SGCG: variants seen among roughly 807,000 people sequenced by gnomAD.
SGCG encodes sarcoglycan gamma, also known as gamma-sarcoglycan.
SGCG carries 26 observed loss-of-function variants against 29.3 expected under a neutral mutation model. The observed-to-expected ratio is 0.89, with a 90% CI of 0.65 to 1.23. The LOEUF (loss-of-function observed/expected upper bound fraction) is 1.23. Among genes scored for constraint, SGCG ranks in the 50% most tolerant of loss-of-function variants. The pLI is 0.00. For synonymous variants in SGCG, 145 were observed against 129.7 expected (o/e 1.12, Z -0.80); for missense variants, 353 against 356.0 (o/e 0.99, Z 0.07).
At chr13:23,277,823 C>CGGA (rs1566027868) in intron 4 of SGCG, among the ~76,000 whole-genome samples, 1 of 151,694 alleles carries the variant, frequency 6.6e-6, no homozygotes, top group Admixed American at 6.6e-5. Context: ...CTCAGCCTCC[C>CGGA]GAGTAGTTGG....
intron 3 of SGCG, among the ~76,000 whole-genome samples, chr13:23,247,708 C>T (rs1013529174): frequency 4.7e-5 from 7 of 150,338 alleles, no homozygotes; most frequent in South Asian, 2.1e-4. Context: ...CACTTTGGGA[C>T]GCTGAGGCAG....
chr13:23,286,151 T>A (rs1447704136), intron 5 of SGCG, among the ~76,000 whole-genome samples: 2 of 152,174 alleles, frequency 1.3e-5, no homozygotes, highest in Non-Finnish European at 2.9e-5. Flanking sequence ...GCACATGACC[T>A]CAAATGAATA....
At chr13:23,179,119 T>C (rs1418848073), upstream of SGCG, among the ~76,000 whole-genome samples, 2 of 152,230 alleles carry the variant, frequency 1.3e-5, no homozygotes, top group Non-Finnish European at 2.9e-5. Context: ...CCTAAATGAC[T>C]GTTAGACTAG....
chr13:23,180,882 T>G (rs1876707971), upstream of SGCG: 1 of 152,192 alleles, frequency 6.6e-6, no homozygotes, highest in Non-Finnish European at 1.5e-5. Flanking sequence ...ATTAGACACG[T>G]CTGTTGCTAA....
At chr13:23,238,913 A>G (rs1475431980) in intron 3 of SGCG, among the ~76,000 whole-genome samples, 1 of 152,196 alleles carries the variant, frequency 6.6e-6, no homozygotes, top group Non-Finnish European at 1.5e-5. Context: ...AAAGAAAGCA[A>G]CAGCATATCA....
At chr13:23,223,074 C>A (rs4769244) in intron 2 of SGCG, among the ~76,000 whole-genome samples, 3 of 151,710 alleles carry the variant, frequency 2.0e-5, no homozygotes, top group Non-Finnish European at 4.4e-5. Flanking sequence ...GTCAGGAGAT[C>A]GAGACCATCC....
chr13:23,164,970 C>G, the SGCG span, among the ~76,000 whole-genome samples: 1 of 152,172 alleles, frequency 6.6e-6, no homozygotes, highest in South Asian at 2.1e-4. Context: ...TTCACCTACT[C>G]AGCCCTCTCC....
chr13:23,212,882 T>G (rs1878279758), intron 2 of SGCG, among the ~76,000 whole-genome samples: 1 of 152,196 alleles, frequency 6.6e-6, no homozygotes, highest in Non-Finnish European at 1.5e-5. Context: ...GAATACAGCA[T>G]GAGTAGCAGG....
At chr13:23,316,929 G>A (rs551166374) in intron 6 of SGCG, among the ~76,000 whole-genome samples, 108 of 152,218 alleles carry the variant, frequency 7.1e-4, no homozygotes, top group African/African-American at 2.3e-3. Flanking sequence ...TCATTTGGCC[G>A]GGCGCGGTGG....
chr13:23,253,402 A>G (rs529541101), intron 4 of SGCG, among the ~76,000 whole-genome samples: 1 of 152,304 alleles, frequency 6.6e-6, no homozygotes, highest in Admixed American at 6.5e-5. Flanking sequence ...TTATATTGAG[A>G]ACCTTGAGCT....
At chr13:23,311,151 G>A (rs1882584334) in intron 6 of SGCG, among the ~76,000 whole-genome samples, 2 of 152,164 alleles carry the variant, frequency 1.3e-5, no homozygotes, top group South Asian at 2.1e-4. Flanking sequence ...TATCTAGGCT[G>A]ACAATAATTT....
chr13:23,264,398 A>T (rs1880562529), intron 4 of SGCG, among the ~76,000 whole-genome samples: 2 of 152,164 alleles, frequency 1.3e-5, no homozygotes, highest in Admixed American at 6.5e-5. Context: ...TGCAAGGATA[A>T]CTACAAAACA....
the SGCG span, among the ~76,000 whole-genome samples, chr13:23,161,794 A>G: frequency 2.6e-5 from 4 of 152,234 alleles, no homozygotes; most frequent in East Asian, 7.7e-4. Context: ...TACAGCAGTT[A>G]TATCTTCAAA....
chr13:23,218,995 G>GT (rs1001057549), intron 2 of SGCG, among the ~76,000 whole-genome samples: 54 of 147,706 alleles, frequency 3.7e-4, no homozygotes, highest in Non-Finnish European at 6.4e-4. Context: ...AAAAAGCATA[G>GT]TTTTTTTTAA....
chr13:23,192,044 G>A (rs1375781661), intron 1 of SGCG, among the ~76,000 whole-genome samples: 1 of 151,686 alleles, frequency 6.6e-6, no homozygotes, highest in East Asian at 2.0e-4. Context: ...GCGTGGTGGC[G>A]GGCTCCTGTA....
chr13:23,299,317 C>G (rs2766109), intron 6 of SGCG, among the ~76,000 whole-genome samples: 2 of 148,104 alleles, frequency 1.4e-5, no homozygotes, highest in South Asian at 4.3e-4. Flanking sequence ...TTCTTGCCAT[C>G]AACTATGTTC....
chr13:23,221,527 AAC>A (rs970000294), intron 2 of SGCG, among the ~76,000 whole-genome samples: 30 of 152,220 alleles, frequency 2.0e-4, no homozygotes, highest in African/African-American at 6.8e-4. Context: ...TCAGTCATTG[AAC>A]ACAGTTTTCT....
chr13:23,229,313 C>G (rs931884087), intron 2 of SGCG, among the ~76,000 whole-genome samples: 1 of 152,170 alleles, frequency 6.6e-6, no homozygotes, highest in African/African-American at 2.4e-5. Context: ...GGTATATATC[C>G]AGTAATGGGA....
chr13:23,312,464 T>C (rs1050173476), intron 6 of SGCG, among the ~76,000 whole-genome samples: 3 of 152,238 alleles, frequency 2.0e-5, no homozygotes, highest in African/African-American at 7.2e-5. Flanking sequence ...TTCACCAGTT[T>C]TCATTTTCAA....
Sources: gnomAD v4.1 joint callset for allele counts (sites outside exome capture counted in the v4.1 genomes callset) on GRCh38, gnomAD v4.1.1 for gene constraint, MANE v1.5 for transcripts, NCBI Gene and HGNC (gene_info 2026-07-23, HGNC 2026-07-21) for gene names.